The following FBXL17 variants were observed in gnomAD, a reference collection of about 807,000 sequenced individuals.
FBXL17 encodes the protein F-box/LRR-repeat protein 17.
A neutral mutation model predicts 66.2 loss-of-function variants in FBXL17; 22 were observed. The ratio of observed to expected loss-of-function variants is 0.33; its 90% CI spans 0.24 to 0.47. FBXL17 has a LOEUF of 0.47. Among genes scored for constraint, FBXL17 ranks in the 20% least tolerant of loss-of-function variants. The pLI, the probability that FBXL17 is intolerant of heterozygous loss-of-function variation, is 1.00. For missense variants in FBXL17, 878 were observed against 948.2 expected (o/e 0.93, Z 0.97); for synonymous variants, 474 against 400.5 (o/e 1.18, Z -2.19).
At chr5:108,319,785 T>A (rs1759534432) in intron 4 of FBXL17, among the ~76,000 whole-genome samples, 1 of 151,712 alleles carries the variant, frequency 6.6e-6, no homozygotes, top group Non-Finnish European at 1.5e-5. Flanking sequence ...AATATTACTA[T>A]AAAAACTAGG....
At chr5:107,943,829 C>A (rs867047814) in intron 7 of FBXL17, among the ~76,000 whole-genome samples, 19 of 152,282 alleles carry the variant, frequency 1.2e-4, no homozygotes, top group South Asian at 2.1e-4. Flanking sequence ...CCCACTACTG[C>A]CAGGATGATT....
intron 8 of FBXL17, chr5:107,880,231 C>T (rs1561515512): frequency 2.8e-6 from 1 of 353,196 alleles, no homozygotes; most frequent in Non-Finnish European, 4.0e-6. Flanking sequence ...TTATGCCTGG[C>T]TAATTTTTTT....
intron 4 of FBXL17, among the ~76,000 whole-genome samples, chr5:108,273,418 A>G (rs973981697): frequency 6.6e-6 from 1 of 151,876 alleles, no homozygotes; most frequent in African/African-American, 2.4e-5. Flanking sequence ...GAGGCCTATT[A>G]CTGGAAAGTA....
intron 4 of FBXL17, chr5:108,297,739 C>G: frequency 1.6e-6 from 1 of 606,102 alleles, no homozygotes; most frequent in Non-Finnish European, 2.1e-6. Flanking sequence ...CAGAAATAAA[C>G]TTCAAAAAAA....
chr5:108,300,085 T>C (rs775918712), intron 4 of FBXL17, among the ~76,000 whole-genome samples: 3 of 152,078 alleles, frequency 2.0e-5, no homozygotes, highest in Non-Finnish European at 4.4e-5. Context: ...CTTAAGATTT[T>C]TGTTAACATT....
intron 6 of FBXL17, among the ~76,000 whole-genome samples, chr5:108,126,656 TATATATA>T (rs1561423103): frequency 6.4e-5 from 8 of 124,098 alleles, no homozygotes; most frequent in South Asian, 2.5e-4. Context: ...TCTCTCTATA[TATATATA>T]CATATATATA....
intron 6 of FBXL17, among the ~76,000 whole-genome samples, chr5:108,165,918 A>C (rs928795971): frequency 6.6e-6 from 1 of 152,214 alleles, no homozygotes; most frequent in African/African-American, 2.4e-5. Flanking sequence ...GAAAATCCAC[A>C]AACACACTTA....
intron 6 of FBXL17, among the ~76,000 whole-genome samples, chr5:108,143,726 G>GAAAAAAAAAAAAA (rs67537467): frequency 9.3e-6 from 1 of 107,546 alleles, no homozygotes; most frequent in Non-Finnish European, 1.8e-5. Flanking sequence ...GTTTTCATGG[G>GAAAAAAAAAAAAA]AAAAAAAAAA....
intron 4 of FBXL17, among the ~76,000 whole-genome samples, chr5:108,271,157 A>G (rs1391576206): frequency 6.6e-6 from 1 of 152,190 alleles, no homozygotes; most frequent in Non-Finnish European, 1.5e-5. Context: ...ACCTAATCAA[A>G]TCACAGTAGA....
chr5:108,071,147 C>A, intron 6 of FBXL17, among the ~76,000 whole-genome samples: 1 of 152,204 alleles, frequency 6.6e-6, no homozygotes. Flanking sequence ...GTACAGGTTG[C>A]ATTGCAGCGA....
At chr5:108,198,125 C>T (rs921847790) in intron 5 of FBXL17, among the ~76,000 whole-genome samples, 2 of 152,108 alleles carry the variant, frequency 1.3e-5, no homozygotes, top group Non-Finnish European at 2.9e-5. Context: ...ATGAGGCCCC[C>T]GTCAACAGGT....
At chr5:108,190,402 A>G (rs1357674045) in intron 5 of FBXL17, among the ~76,000 whole-genome samples, 3 of 152,188 alleles carry the variant, frequency 2.0e-5, no homozygotes, top group African/African-American at 7.2e-5. Context: ...TGAGACAGAG[A>G]CAGACAGAGA....
At chr5:108,108,000 T>G (rs1749877957) in intron 6 of FBXL17, among the ~76,000 whole-genome samples, 3 of 152,046 alleles carry the variant, frequency 2.0e-5, no homozygotes, top group African/African-American at 2.4e-5. Context: ...TCCTTCCTTC[T>G]CTGATTTGGT....
intron 6 of FBXL17, among the ~76,000 whole-genome samples, chr5:108,089,352 T>A (rs1749100320): frequency 6.6e-6 from 1 of 152,152 alleles, no homozygotes; most frequent in South Asian, 2.1e-4. Context: ...TCCACACTAA[T>A]CTCTTCCTTT....
At chr5:108,346,332 TA>T (rs946979202) in intron 4 of FBXL17, among the ~76,000 whole-genome samples, 23 of 150,740 alleles carry the variant, frequency 1.5e-4, no homozygotes, top group African/African-American at 3.4e-4. Context: ...AAATGTTAAA[TA>T]AAAAAAAATA....
intron 6 of FBXL17, among the ~76,000 whole-genome samples, chr5:108,154,648 C>CATATATATGTGTATATATATATACAT (rs202122522): frequency 8.6e-6 from 1 of 116,192 alleles, no homozygotes; most frequent in Non-Finnish European, 1.7e-5. Flanking sequence ...CACACACACA[C>CATATATATGTGTATATATATATACAT]ATATATGTAT....
intron 6 of FBXL17, among the ~76,000 whole-genome samples, chr5:108,172,739 T>G (rs456213): frequency 0.76 from 115,031 of 151,590 alleles, 44,134 homozygotes; most frequent in East Asian, 0.93. Context: ...TTTTCTATTT[T>G]TTCTAATCAA....
chr5:107,989,360 C>T (rs1455587024), intron 7 of FBXL17, among the ~76,000 whole-genome samples: 12 of 152,210 alleles, frequency 7.9e-5, no homozygotes, highest in Non-Finnish European at 5.9e-5. Flanking sequence ...TTTTTAGCTT[C>T]CACATATGAG....
At chr5:107,861,921 C>G in intron 8 of FBXL17, 61 bp from the exon 9 acceptor site, 2 of 1,402,304 alleles carry the variant, frequency 1.4e-6, no homozygotes, top group South Asian at 3.5e-5. Flanking sequence ...CCGCTGCCCA[C>G]GCTCACTGAT....
Sources: gnomAD v4.1 joint callset for allele counts (sites outside exome capture counted in the v4.1 genomes callset) on GRCh38, gnomAD v4.1.1 for gene constraint, MANE v1.5 for transcripts, NCBI Gene and HGNC (gene_info 2026-07-23, HGNC 2026-07-21) for gene names.